CTCF: variants seen among roughly 807,000 people sequenced by gnomAD.
CTCF encodes CCCTC-binding factor.
A neutral mutation model predicts 72.3 loss-of-function variants in CTCF; 7 were observed. The observed-to-expected ratio is 0.10, with a 90% CI of 0.06 to 0.18. CTCF has a LOEUF of 0.18. Ranked by LOEUF, CTCF falls within the 10% of genes least tolerant of loss-of-function variation. CTCF has a pLI of 1.00. For synonymous variants in CTCF, 374 were observed against 315.8 expected, an observed-to-expected ratio of 1.18 and a Z score of -1.95; for missense variants, 516 against 949.1, an observed-to-expected ratio of 0.54 and a Z score of 6.00.
intron 2 of CTCF, among the ~76,000 whole-genome samples, chr16:67,579,109 G>A (rs1020283893): frequency 7.3e-5 from 11 of 151,354 alleles, no homozygotes; most frequent in African/African-American, 1.9e-4. Context: ...ACAAAAATTA[G>A]CGGAGTGTGG....
At position 67,563,318 on chromosome 16, in the gene CTCF, A is replaced by G. The variant is rs371411462; in HGVS notation, c.-127+594A>G. 365 of 151,718 alleles carry G rather than the reference A, an allele frequency of 2.4e-3. 6 individuals are homozygous for G. In the East Asian group the frequency reaches 0.027, roughly 11 times the overall value. The allele number at this position is 151,718 out of a possible 1,614,324, so 9.4% of individuals were successfully genotyped here. ...ACCCTGCCGGCCTGCGTGCCTTCCC[A>G]GCTGCTTGGCTGCTCGGCGGTCGCT... On this transcript the variant is annotated intron_variant, in intron 1 of 11. Transcript: ENST00000264010.
rs770360080 is a variant in CTCF, at chr16:67,606,520, C to T, written c.-9-4304C>T. 2.7e-4 allele frequency among the ~76,000 whole-genome samples: 41 copies of T among 151,540 alleles called. 1 individual carries two copies. Among genetic ancestry groups the T allele is most frequent in the Admixed American group, 8.5e-4 (13 of 15,222 alleles). On this transcript the variant is annotated intron_variant, in intron 2 of 11. Transcript: ENST00000264010. ...GATTACAGGCGTGAGCCACCACGCC[C>T]GGCCCCTATTTTGCTCTTGTTTAGG...
chr16:67,589,705 C>A (rs1184990826), intron 2 of CTCF, among the ~76,000 whole-genome samples: 14 of 152,148 alleles, frequency 9.2e-5, no homozygotes, highest in Admixed American at 2.0e-4. Context: ...GAAGACTACC[C>A]CTAGTACATA....
intron 5 of CTCF, 84 bp downstream of exon 5, chr16:67,616,962 G>A: frequency 7.3e-7 from 1 of 1,377,468 alleles, no homozygotes; most frequent in Admixed American, 1.8e-5. Context: ...TACCCAAACG[G>A]ACTTAAGATG....
At chr16:67,591,843 G>C (rs2051748444) in intron 2 of CTCF, among the ~76,000 whole-genome samples, 1 of 151,922 alleles carries the variant, frequency 6.6e-6, no homozygotes, top group Non-Finnish European at 1.5e-5. Flanking sequence ...CGAGTAGCTG[G>C]GACTACAGAT....
intron 2 of CTCF, among the ~76,000 whole-genome samples, chr16:67,609,728 A>G (rs949192997): frequency 4.0e-5 from 6 of 148,920 alleles, no homozygotes; most frequent in South Asian, 4.2e-4. Flanking sequence ...GGTTCACGCC[A>G]TTCTCCTGCC....
intron 1 of CTCF, among the ~76,000 whole-genome samples, chr16:67,568,764 G>A (rs1418689952): frequency 1.3e-5 from 2 of 152,050 alleles, no homozygotes; most frequent in African/African-American, 4.8e-5. Context: ...TCCTAGGCTC[G>A]AGCAGTCCTC....
At chr16:67,588,162 T>A (rs2051693840) in intron 2 of CTCF, among the ~76,000 whole-genome samples, 1 of 152,126 alleles carries the variant, frequency 6.6e-6, no homozygotes, top group African/African-American at 2.4e-5. Context: ...CCAGCCAGGA[T>A]CTATATTTTT....
intron 5 of CTCF, 92 bp downstream of exon 5, chr16:67,616,970 A>G: frequency 1.5e-6 from 2 of 1,313,562 alleles, no homozygotes; most frequent in Non-Finnish European, 2.2e-6. Context: ...CGGACTTAAG[A>G]TGAGGTAGAA....
chr16:67,619,814 C>T (rs771682169), intron 5 of CTCF, among the ~76,000 whole-genome samples: 1 of 152,160 alleles, frequency 6.6e-6, no homozygotes, highest in Non-Finnish European at 1.5e-5. Flanking sequence ...GAACTCCTGA[C>T]CTCAAGCAAT....
At chr16:67,592,830 C>A (rs914767095) in intron 2 of CTCF, among the ~76,000 whole-genome samples, 1 of 151,968 alleles carries the variant, frequency 6.6e-6, no homozygotes, top group African/African-American at 2.4e-5. Flanking sequence ...AGTTTGAGAC[C>A]AGCCTGGCCA....
chr16:67,585,210 C>A (rs990350967), intron 2 of CTCF, among the ~76,000 whole-genome samples: 1 of 152,110 alleles, frequency 6.6e-6, no homozygotes, highest in Non-Finnish European at 1.5e-5. Context: ...CCATCATGCC[C>A]GGCTAATTTT....
intron 2 of CTCF, among the ~76,000 whole-genome samples, chr16:67,605,058 C>T (rs144238450): frequency 0.035 from 4,866 of 137,418 alleles, 125 homozygotes; most frequent in South Asian, 0.063. Context: ...TGGCAAGCTT[C>T]GCCTTCCGGG....
At chr16:67,593,915 TA>T (rs2051778382) in intron 2 of CTCF, among the ~76,000 whole-genome samples, 1 of 152,192 alleles carries the variant, frequency 6.6e-6, no homozygotes, top group African/African-American at 2.4e-5. Flanking sequence ...GTGGTGAGTA[TA>T]AAAGGTTGTT....
chr16:67,621,911 A>G (rs959198403), intron 7 of CTCF, among the ~76,000 whole-genome samples: 7 of 152,142 alleles, frequency 4.6e-5, no homozygotes, highest in African/African-American at 1.7e-4. Context: ...GGAAAGTAAC[A>G]TAGTGTGATT....
At chr16:67,566,832 A>C (rs967865302) in intron 1 of CTCF, among the ~76,000 whole-genome samples, 1 of 151,978 alleles carries the variant, frequency 6.6e-6, no homozygotes, top group African/African-American at 2.4e-5. Flanking sequence ...CCGCCTCTCA[A>C]AGTGCTGGGA....
rs550423023 is a variant in CTCF at position 67,582,983 on chromosome 16, CT to C, written c.-10+11734del. ...CCAATTTCTTTTTTTTCTTATTTTTCTTTTTTTTTTTTTTTGAGACGGAGTT... is the reference window on the plus strand; with the variant it reads ...CCAATTTCTTTTTTTTCTTATTTTTCTTTTTTTTTTTTTTGAGACGGAGTT... On this transcript the variant is annotated intron_variant, in intron 2 of 11. Coordinates refer to ENST00000264010, the MANE Select transcript of CTCF (RefSeq NM_006565.4). Among the ~76,000 whole-genome samples the C allele has an allele frequency of 7.3e-3, 997 of 135,958 alleles. 1 individual carries two copies. Among genetic ancestry groups the C allele is most frequent in the African/African-American group, 0.011 (401 of 37,076 alleles). 89.2% of individuals were successfully genotyped at this position (135,958 alleles called of 152,430 possible). A position where few individuals can be genotyped will look rare whatever the true frequency, so the allele number is the denominator to read the frequency against.
intron 2 of CTCF, among the ~76,000 whole-genome samples, chr16:67,588,395 A>T (rs1326194056): frequency 6.6e-6 from 1 of 152,108 alleles, no homozygotes; most frequent in African/African-American, 2.4e-5. Context: ...AGACGGTCTA[A>T]CTCTGAGCTG....
intron 1 of CTCF, chr16:67,567,790 C>A (rs994989682): frequency 2.0e-5 from 3 of 149,778 alleles, no homozygotes; most frequent in African/African-American, 7.4e-5. Context: ...CAGGATCCTA[C>A]TATGTTGCTC....
Sources: gnomAD v4.1 joint callset for allele counts (sites outside exome capture counted in the v4.1 genomes callset) on GRCh38, gnomAD v4.1.1 for gene constraint, MANE v1.5 for transcripts, NCBI Gene and HGNC (gene_info 2026-07-23, HGNC 2026-07-21) for gene names.